Variants in CACNA1D observed in about 807,000 individuals in gnomAD.
CACNA1D encodes voltage-dependent L-type calcium channel subunit alpha-1D.
A neutral mutation model predicts 257.1 loss-of-function variants in CACNA1D; 55 were observed. The ratio of observed to expected loss-of-function variants is 0.21; its 90% CI spans 0.17 to 0.27. The LOEUF is 0.27. Among genes scored for constraint, CACNA1D ranks in the 10% least tolerant of loss-of-function variants. CACNA1D has a pLI of 1.00. For missense variants in CACNA1D, 1,876 were observed against 2,784.0 expected (o/e 0.67, Z 7.34); for synonymous variants, 980 against 1,014.9 (o/e 0.97, Z 0.65).
chr3:53,704,280 C>T (rs945825178), intron 9 of CACNA1D, among the ~76,000 whole-genome samples: 6 of 152,040 alleles, frequency 3.9e-5, no homozygotes, highest in East Asian at 1.9e-4. Context: ...GAGTGTGTTC[C>T]GTGATCTCAG....
chr3:53,620,927 C>T (rs2108035071), intron 3 of CACNA1D, among the ~76,000 whole-genome samples: 1 of 152,220 alleles, frequency 6.6e-6, no homozygotes, highest in East Asian at 1.9e-4. Flanking sequence ...AAGGGATGTG[C>T]CTGTCCTCAG....
chr3:53,810,316 C>T lies in CACNA1D; in HGVS notation c.6192+18C>T. The T allele has an allele frequency of 6.2e-7, 1 of 1,611,730 alleles. No homozygotes were observed. Among genetic ancestry groups the T allele is most frequent in the South Asian group, 1.1e-5 (1 of 91,050 alleles). On this transcript the variant is annotated intron_variant, in intron 47 of 47. Transcript: ENST00000350061. ...TGGAGGCAGTGAGTACGGTTCTTGG[C>T]CGTGGTGGGCAGGAAGCACCAGGAG...
rs1383865230 is a variant in CACNA1D at position 53,811,931 on chromosome 3, A to T, written c.*525A>T. 1 of 152,672 alleles carries T rather than the reference A, an allele frequency of 6.5e-6. No individual in the cohort carries two copies. The highest frequency in any genetic ancestry group is 2.4e-5 in the African/African-American group (1 of 41,382). The allele number at this position is 152,672 out of a possible 1,614,324, so 9.5% of individuals were successfully genotyped here. A position where few individuals can be genotyped will look rare whatever the true frequency, so the allele number is the denominator to read the frequency against. On this transcript the variant is annotated 3_prime_UTR_variant, in exon 48 of 48. Transcript: ENST00000350061. The surrounding 1 kb of genome is among the most constrained non-coding windows in gnomAD (Gnocchi z 4.2). ...CCTGGTTCCTGTTTAGCTGTTCTGA[A>T]ATACGGTGTGTAAGTAAGTCAGAAC...
chr3:53,573,285 C>T (rs754831310), intron 3 of CACNA1D, among the ~76,000 whole-genome samples: 1 of 152,188 alleles, frequency 6.6e-6, no homozygotes, highest in Non-Finnish European at 1.5e-5. Context: ...CCCGTAGGAG[C>T]GTCCTTTTAT....
intron 4 of CACNA1D, among the ~76,000 whole-genome samples, chr3:53,658,885 A>G (rs531239304): frequency 6.6e-6 from 1 of 152,266 alleles, no homozygotes; most frequent in East Asian, 1.9e-4. Flanking sequence ...CTGTACTGTT[A>G]TTAAAACAAA....
chr3:53,736,888 T>TAAA (rs569401400), intron 20 of CACNA1D, among the ~76,000 whole-genome samples: 5 of 121,524 alleles, frequency 4.1e-5, no homozygotes, highest in African/African-American at 9.0e-5. Context: ...ACCCTGTCTC[T>TAAA]AAAAAAAAAA....
chr3:53,542,255 T>C (rs2092315061), intron 3 of CACNA1D, among the ~76,000 whole-genome samples: 1 of 152,026 alleles, frequency 6.6e-6, no homozygotes, highest in Admixed American at 6.6e-5. Context: ...GTAGGTTTCA[T>C]AGTTACTTTA....
chr3:53,559,793 T>G (rs1470979753), intron 3 of CACNA1D, among the ~76,000 whole-genome samples: 1 of 152,162 alleles, frequency 6.6e-6, no homozygotes, highest in Non-Finnish European at 1.5e-5. Flanking sequence ...AGCGAGGAAT[T>G]TAGTTCCTCT....
chr3:53,597,100 C>T (rs1041876956), intron 3 of CACNA1D, among the ~76,000 whole-genome samples: 1 of 152,076 alleles, frequency 6.6e-6, no homozygotes, highest in Non-Finnish European at 1.5e-5. Context: ...TTCTTACAAC[C>T]ACCTGAGAGA....
At chr3:53,623,964 A>T (rs1381494297) in intron 3 of CACNA1D, among the ~76,000 whole-genome samples, 1 of 152,220 alleles carries the variant, frequency 6.6e-6, no homozygotes, top group Non-Finnish European at 1.5e-5. Context: ...TAAAATATAC[A>T]GAGTTCTGGC....
At chr3:53,809,843 T>C in intron 46 of CACNA1D, 135 bp from the exon 47 acceptor site, 1 of 791,430 alleles carries the variant, frequency 1.3e-6, no homozygotes, top group Non-Finnish European at 2.3e-6. Flanking sequence ...TACTTCAGTG[T>C]GCCCATGTCC....
rs35025659 is a variant in CACNA1D, at chr3:53,726,647, A to G, written c.2101-232A>G. ...CGAGACTCCATCTCAAAAACAAACA[A>G]ACACTTAAGTCTTAATAATAAGGTT... On this transcript the variant is annotated intron_variant, in intron 14 of 47. Coordinates refer to ENST00000350061, the MANE Select transcript of CACNA1D (RefSeq NM_001128840.3). 0.011 allele frequency among the ~76,000 whole-genome samples: 1,709 copies of G among 151,182 alleles called. 18 individuals are homozygous for G. Among genetic ancestry groups the G allele is most frequent in the Non-Finnish European group, 0.018 (1,203 of 67,632 alleles).
intron 3 of CACNA1D, among the ~76,000 whole-genome samples, chr3:53,629,191 A>G (rs1559940011): frequency 6.6e-6 from 1 of 152,252 alleles, no homozygotes; most frequent in African/African-American, 2.4e-5. Context: ...ACCAGAGGCC[A>G]TAATTTGCCA....
intron 3 of CACNA1D, 38 bp from the exon 4 acceptor site, chr3:53,650,741 C>T (rs768486970): frequency 6.2e-7 from 1 of 1,611,218 alleles, no homozygotes; most frequent in Non-Finnish European, 8.5e-7. Context: ...CTCCCCTGCC[C>T]CTGCTTTTTT....
intron 3 of CACNA1D, among the ~76,000 whole-genome samples, chr3:53,508,389 C>T (rs532124117): frequency 2.6e-5 from 4 of 151,972 alleles, no homozygotes; most frequent in Non-Finnish European, 5.9e-5. Flanking sequence ...AAACACAAGT[C>T]GCACAGGTTT....
intron 8 of CACNA1D, among the ~76,000 whole-genome samples, chr3:53,675,811 T>G (rs2094370049): frequency 6.6e-6 from 1 of 152,222 alleles, no homozygotes; most frequent in African/African-American, 2.4e-5. Context: ...TGGAGGAGAC[T>G]GGAAATGACA....
chr3:53,666,427 C>T lies in CACNA1D; in HGVS notation c.1008C>T (p.Gly336=). The change falls in exon 7 of 48, where the codon GGC becomes GGT. Residue 336 remains glycine (G), a synonymous_variant. Coordinates refer to ENST00000350061, the MANE Select transcript of CACNA1D (RefSeq NM_001128840.3). ...CTANGTECRS[G]WVGPNGGITN... Reference sequence around the variant, plus strand: ...CCAATGGCACGGAATGTAGGAGTGGCTGGGTTGGCCCGAACGGAGGCATCA... The same window carrying T: ...CCAATGGCACGGAATGTAGGAGTGGTTGGGTTGGCCCGAACGGAGGCATCA... The T allele has an allele frequency of 6.2e-7, 1 of 1,614,194 alleles. No individual in the cohort carries two copies. Among genetic ancestry groups the T allele is most frequent in the Non-Finnish European group, 8.5e-7 (1 of 1,180,020 alleles).
intron 3 of CACNA1D, among the ~76,000 whole-genome samples, chr3:53,567,413 C>A (rs2092864004): frequency 6.6e-6 from 1 of 152,184 alleles, no homozygotes; most frequent in South Asian, 2.1e-4. Context: ...ACACCCATTC[C>A]CTACTTGGGG....
rs1005357584 is a variant in CACNA1D, at chr3:53,800,780, A to G, written c.5041-278A>G. 1.3e-5 allele frequency: 7 copies of G among 544,776 alleles called. No homozygotes were observed. Among genetic ancestry groups the G allele is most frequent in the East Asian group, 6.6e-5 (2 of 30,434 alleles). The allele number at this position is 544,776 out of a possible 1,614,324, so 33.7% of individuals were successfully genotyped here. A position where few individuals can be genotyped will look rare whatever the true frequency, so the allele number is the denominator to read the frequency against. On this transcript the variant is annotated intron_variant, in intron 41 of 47. Coordinates refer to ENST00000350061, the MANE Select transcript of CACNA1D (RefSeq NM_001128840.3). This position sits in a 1 kb window ranked among gnomAD's most constrained non-coding sequence, Gnocchi z 4.3. The stretch of plus-strand genomic sequence containing the variant: ...GGGCCACCAGCCAGCCCAGCTGGGT[A>G]TAAGTCACCCCAACTTGGAGCAACT...
Sources: allele counts gnomAD v4.1 joint callset (sites outside exome capture counted in the v4.1 genomes callset), GRCh38; gene constraint gnomAD v4.1.1; non-coding constraint Gnocchi (gnomAD v3.1); transcripts MANE v1.5; gene names NCBI Gene and HGNC (gene_info 2026-07-23, HGNC 2026-07-21).